Variants in USP32 observed in about 807,000 individuals in gnomAD.
USP32 encodes the protein ubiquitin specific peptidase 32, also known as ubiquitin carboxyl-terminal hydrolase 32.
In USP32, 59 loss-of-function variants were observed where a neutral mutation model predicts 204.8. The observed-to-expected ratio is 0.29, with a 90% CI of 0.23 to 0.36. The LOEUF (loss-of-function observed/expected upper bound fraction) is 0.36, where lower values mean the gene tolerates loss of function less well. USP32 is among the 10% of genes least tolerant of loss of function. The pLI is 1.00. For synonymous variants in USP32, 517 were observed against 678.4 expected, an observed-to-expected ratio of 0.76 and a Z score of 3.70; for missense variants, 1,160 against 1,946.4, an observed-to-expected ratio of 0.60 and a Z score of 7.60.
rs1191109688 is a variant in USP32, at chr17:60,205,492, A to T, written c.3204T>A (p.Pro1068=). 16 of 1,613,556 alleles carry T rather than the reference A, an allele frequency of 9.9e-6. No homozygotes were observed. The highest frequency in any genetic ancestry group is 1.7e-5 in the Admixed American group (1 of 60,006). ...GMVNGHMPSL[P]DSPFTGYIIA... Reference sequence around the variant, plus strand: ...TGATGTAACCTGTAAAGGGGCTGTCAGGAAGAGATGGCATGTGACCATTAA... The same window carrying T: ...TGATGTAACCTGTAAAGGGGCTGTCTGGAAGAGATGGCATGTGACCATTAA... The change falls in exon 26 of 34, where the codon CCT becomes CCA. Residue 1068 remains proline, a synonymous_variant. Coordinates refer to ENST00000300896, the MANE Select transcript of USP32 (RefSeq NM_032582.4).
chr17:60,293,562 C>T (rs538495638), intron 4 of USP32, among the ~76,000 whole-genome samples: 11 of 152,224 alleles, frequency 7.2e-5, no homozygotes, highest in Non-Finnish European at 8.8e-5. Context: ...CTGGATAAAA[C>T]GTTAGCACCA....
intron 1 of USP32, among the ~76,000 whole-genome samples, chr17:60,359,449 AG>A (rs2089156434): frequency 6.6e-6 from 1 of 152,190 alleles, no homozygotes; most frequent in African/African-American, 2.4e-5. Context: ...CTCTTGTCCA[AG>A]GCCTATGCTT....
intron 1 of USP32, among the ~76,000 whole-genome samples, chr17:60,378,261 G>A (rs1390424529): frequency 6.7e-6 from 1 of 148,924 alleles, no homozygotes; most frequent in African/African-American, 2.6e-5. Flanking sequence ...ACACCCATTA[G>A]GATGGTTATT....
chr17:60,264,653 T>C (rs900321231), intron 9 of USP32, among the ~76,000 whole-genome samples: 1 of 151,800 alleles, frequency 6.6e-6, no homozygotes, highest in African/African-American at 2.4e-5. Context: ...GGCCAGGGGT[T>C]TGAGATCAGC....
upstream of USP32, chr17:60,392,449 G>T (rs374819776): frequency 8.1e-5 from 19 of 234,520 alleles, no homozygotes; most frequent in Middle Eastern, 1.8e-3. Flanking sequence ...CTGGCGACGG[G>T]GGGTGGTGAC....
intron 27 of USP32, among the ~76,000 whole-genome samples, chr17:60,196,505 A>G (rs1006371783): frequency 6.6e-6 from 1 of 152,194 alleles, no homozygotes; most frequent in Admixed American, 6.5e-5. Flanking sequence ...TCTTAAAATA[A>G]ATACTTTAAA....
At chr17:60,381,427 G>A in intron 1 of USP32, among the ~76,000 whole-genome samples, 1 of 149,696 alleles carries the variant, frequency 6.7e-6, no homozygotes, top group Non-Finnish European at 1.5e-5. Flanking sequence ...GGTGACAGAG[G>A]GAGACCCTGT....
At chr17:60,365,634 T>C (rs995133693) in intron 1 of USP32, among the ~76,000 whole-genome samples, 2 of 151,692 alleles carry the variant, frequency 1.3e-5, no homozygotes, top group East Asian at 1.9e-4. Flanking sequence ...CCTCCTTAAG[T>C]ACAAAACTTT....
chr17:60,288,403 G>T, intron 5 of USP32, 120 bp downstream of exon 5: 1 of 1,219,046 alleles, frequency 8.2e-7, no homozygotes, highest in Non-Finnish European at 1.1e-6. Context: ...TGGTGCCACT[G>T]CACTCCAGCC....
chr17:60,207,355 T>C (rs2084856581), intron 24 of USP32, among the ~76,000 whole-genome samples: 2 of 152,056 alleles, frequency 1.3e-5, no homozygotes, highest in Admixed American at 1.3e-4. Flanking sequence ...GGAAGAAGTG[T>C]GTTATATACG....
chr17:60,372,366 C>T (rs2089457603), intron 1 of USP32, among the ~76,000 whole-genome samples: 1 of 152,124 alleles, frequency 6.6e-6, no homozygotes, highest in Non-Finnish European at 1.5e-5. Context: ...CTTACACAAA[C>T]TTAGATGGTA....
At chr17:60,421,586 G>C (rs979219743) in intron 1 of USP32, 1 of 984,800 alleles carries the variant, frequency 1.0e-6, no homozygotes, top group Non-Finnish European at 1.2e-6. Context: ...CTCGAGTGAG[G>C]AAACTGCGGG....
intron 1 of USP32, among the ~76,000 whole-genome samples, chr17:60,406,585 G>A (rs895758528): frequency 8.2e-5 from 12 of 147,156 alleles, no homozygotes; most frequent in Non-Finnish European, 1.7e-4. Context: ...GCATGACCTC[G>A]GCTCACTGTA....
In USP32 at chr17:60,214,685, C is replaced by T. The variant is rs771979068; in HGVS notation, c.1957G>A (p.Glu653Lys). 1.6e-5 allele frequency: 26 copies of T among 1,613,680 alleles called. No homozygotes were observed. Among genetic ancestry groups the T allele is most frequent in the East Asian group, 6.7e-5 (3 of 44,874 alleles). The change falls in exon 17 of 34, where the codon GAA becomes AAA. Residue 653 changes from glutamate (E) to lysine (K), a missense_variant. Glu to Lys is a moderately conservative substitution (Grantham distance 56). Coordinates refer to ENST00000300896, the MANE Select transcript of USP32 (RefSeq NM_032582.4). ...SRMQTIKEIH[E>K]YLSQRLRIKE... ...ATGCGCAGCCTTTGAGATAGATATT[C>T]GTGAATTTCCTTGATGGTCTGCATT... is the stretch of plus-strand genomic sequence containing the variant.
chr17:60,291,537 A>ATG (rs58874239), intron 4 of USP32, among the ~76,000 whole-genome samples: 17,590 of 145,218 alleles, frequency 0.12, 1,023 homozygotes, highest in South Asian at 0.15. Flanking sequence ...CTGTGTGTGT[A>ATG]TGTGTGTGTG....
chr17:60,324,516 A>G (rs1210171081), intron 2 of USP32, among the ~76,000 whole-genome samples: 1 of 152,038 alleles, frequency 6.6e-6, no homozygotes, highest in African/African-American at 2.4e-5. Flanking sequence ...TCCCATTGTT[A>G]TTAATGGTAA....
At chr17:60,363,367 A>G (rs1598287281) in intron 1 of USP32, among the ~76,000 whole-genome samples, 1 of 144,364 alleles carries the variant, frequency 6.9e-6, no homozygotes, top group African/African-American at 2.5e-5. Context: ...AGGCAGGAGA[A>G]TTGCTTGAAC....
chr17:60,339,534 G>A (rs1008062998), intron 2 of USP32, among the ~76,000 whole-genome samples: 1 of 144,160 alleles, frequency 6.9e-6, no homozygotes, highest in Non-Finnish European at 1.5e-5. Context: ...AGTGAGCTGA[G>A]ATCATGCTGT....
At chr17:60,299,091 G>A (rs977539653) in intron 3 of USP32, among the ~76,000 whole-genome samples, 8 of 152,174 alleles carry the variant, frequency 5.3e-5, no homozygotes, top group African/African-American at 1.7e-4. Context: ...ATGTGCCACT[G>A]TGCCACTATA....
Sources: allele counts gnomAD v4.1 joint callset (sites outside exome capture counted in the v4.1 genomes callset), GRCh38; gene constraint gnomAD v4.1.1; transcripts MANE v1.5; gene names NCBI Gene and HGNC (gene_info 2026-07-23, HGNC 2026-07-21).